TNR: variants seen among roughly 807,000 people sequenced by gnomAD.
TNR encodes the protein tenascin R.
TNR carries 45 observed loss-of-function variants against 150.4 expected under a neutral mutation model. The ratio of observed to expected loss-of-function variants is 0.30; its 90% CI spans 0.24 to 0.38. The LOEUF is 0.38. Among genes scored for constraint, TNR ranks in the 10% least tolerant of loss-of-function variants. The pLI is 1.00. For synonymous variants in TNR, 687 were observed against 678.4 expected (o/e 1.01, Z -0.20); for missense variants, 1,544 against 1,759.1 (o/e 0.88, Z 2.19).
intron 1 of TNR, among the ~76,000 whole-genome samples, chr1:175,545,206 T>C (rs79354236): frequency 0.012 from 1,775 of 151,890 alleles, 26 homozygotes; most frequent in African/African-American, 0.04. Flanking sequence ...AACAAGTGAG[T>C]GTTCAATAGG....
intron 2 of TNR, among the ~76,000 whole-genome samples, chr1:175,485,815 T>C (rs1657990113): frequency 1.3e-5 from 2 of 152,218 alleles, no homozygotes; most frequent in Admixed American, 1.3e-4. Flanking sequence ...TAAATAATAG[T>C]AATAGCTAAC....
At chr1:175,343,162 C>G (rs1650611190) in intron 18 of TNR, among the ~76,000 whole-genome samples, 1 of 152,196 alleles carries the variant, frequency 6.6e-6, no homozygotes, top group African/African-American at 2.4e-5. Context: ...TCAATGGCTT[C>G]TTTATTGCAA....
rs1651341811 is a variant in TNR, at chr1:175,356,610, C to G, written c.2975-148G>C. On this transcript the variant is annotated intron_variant, in intron 15 of 22. Transcript: ENST00000367674. ...AGGTTATCTAGCTTAGTATCTTACT[C>G]TTTGCAAGGATTCCCCTCTCATCTC... The G allele has an allele frequency of 6.4e-6, 6 of 944,026 alleles. No homozygotes were observed. The South Asian group carries it at 1.1e-4, about 17-fold the overall frequency. The allele number at this position is 944,026 out of a possible 1,614,324, so 58.5% of individuals were successfully genotyped here.
intron 1 of TNR, among the ~76,000 whole-genome samples, chr1:175,591,428 A>G (rs781440412): frequency 6.6e-6 from 1 of 152,224 alleles, no homozygotes; most frequent in Admixed American, 6.5e-5. Flanking sequence ...TTCAATTGCT[A>G]TTATGAGCAG....
rs142322777 is a variant in TNR, at chr1:175,466,903, C to CATG, written c.-63-60127_-63-60126insCAT. Among the ~76,000 whole-genome samples the CATG allele has an allele frequency of 4.1e-3, 625 of 152,220 alleles. 6 individuals carry two copies. The highest frequency in any genetic ancestry group is 0.013 in the African/African-American group (553 of 41,522). On this transcript the variant is annotated intron_variant, in intron 2 of 22. Transcript: ENST00000367674. Reference sequence around the variant, plus strand: ...AAGCCACCAAGCTCCACATCTGGGACAGGAGACAGTCCCGAACTTCCCTGG... The same window carrying CATG: ...AAGCCACCAAGCTCCACATCTGGGACATGAGGAGACAGTCCCGAACTTCCCTGG...
chr1:175,493,966 T>C (rs890458616), intron 2 of TNR, among the ~76,000 whole-genome samples: 2 of 152,148 alleles, frequency 1.3e-5, no homozygotes, highest in African/African-American at 4.8e-5. Flanking sequence ...CTACAACCTC[T>C]CTTCTTGAAC....
At chr1:175,722,793 G>T (rs1449184233) in intron 1 of TNR, among the ~76,000 whole-genome samples, 2 of 127,270 alleles carry the variant, frequency 1.6e-5, no homozygotes, top group African/African-American at 3.0e-5. Context: ...ATATATAGTT[G>T]CTTCCCCCCT....
intron 2 of TNR, among the ~76,000 whole-genome samples, chr1:175,522,490 C>A (rs1659676084): frequency 6.6e-6 from 1 of 152,128 alleles, no homozygotes; most frequent in African/African-American, 2.4e-5. Context: ...CAAAATCTCA[C>A]AAATCACCAC....
intron 2 of TNR, among the ~76,000 whole-genome samples, chr1:175,420,694 A>T (rs573527380): frequency 6.6e-6 from 1 of 152,172 alleles, no homozygotes; most frequent in Non-Finnish European, 1.5e-5. Context: ...ATCACGACTG[A>T]TTCCTCTACC....
chr1:175,340,198 C>CGGGGGTGGGGT (rs1650453103), intron 18 of TNR, among the ~76,000 whole-genome samples: 1 of 151,974 alleles, frequency 6.6e-6, no homozygotes, highest in Non-Finnish European at 1.5e-5. Context: ...CCTTCCAGGC[C>CGGGGGTGGGGT]GGCAATGAGC....
chr1:175,660,874 G>A (rs994767713), intron 1 of TNR, among the ~76,000 whole-genome samples: 4 of 152,334 alleles, frequency 2.6e-5, no homozygotes, highest in African/African-American at 9.6e-5. Context: ...CAGAACAAGA[G>A]TTGGGGCCTT....
At chr1:175,630,424 T>C (rs902859386) in intron 1 of TNR, among the ~76,000 whole-genome samples, 1 of 152,214 alleles carries the variant, frequency 6.6e-6, no homozygotes, top group Non-Finnish European at 1.5e-5. Context: ...TATTTGATAA[T>C]GATAACAGCA....
chr1:175,658,622 C>T (rs1665267865), intron 1 of TNR, among the ~76,000 whole-genome samples: 1 of 152,216 alleles, frequency 6.6e-6, no homozygotes, highest in Admixed American at 6.5e-5. Context: ...AGAGCTAATG[C>T]TCATGATCTG....
chr1:175,451,833 CTTATATG>C (rs1161186450), intron 2 of TNR, among the ~76,000 whole-genome samples: 1 of 152,170 alleles, frequency 6.6e-6, no homozygotes, highest in Non-Finnish European at 1.5e-5. Context: ...GCGTTCTCTC[CTTATATG>C]TTATATGGTT....
chr1:175,672,623 C>T (rs1408662295), intron 1 of TNR, among the ~76,000 whole-genome samples: 2 of 152,214 alleles, frequency 1.3e-5, no homozygotes, highest in Non-Finnish European at 2.9e-5. Flanking sequence ...TGTGCATTCA[C>T]AGAGGTGAAT....
intron 2 of TNR, among the ~76,000 whole-genome samples, chr1:175,413,246 G>A (rs1247544582): frequency 1.3e-5 from 2 of 152,182 alleles, no homozygotes; most frequent in African/African-American, 2.4e-5. Flanking sequence ...GGCTGATCTC[G>A]AACTCCTGAC....
chr1:175,527,997 A>T (rs1659913557), intron 2 of TNR, among the ~76,000 whole-genome samples: 1 of 152,222 alleles, frequency 6.6e-6, no homozygotes, highest in South Asian at 2.1e-4. Flanking sequence ...TGAGCACAGT[A>T]ACACACTTTC....
chr1:175,739,341 G>T (rs1667859138), intron 1 of TNR, among the ~76,000 whole-genome samples: 1 of 152,148 alleles, frequency 6.6e-6, no homozygotes. Flanking sequence ...TGATTTCCTT[G>T]TGGAAGACCC....
Position 175,406,313 on chromosome 1 carries a change from C to A in TNR, c.402G>T (p.Leu134=). 1 of 1,614,172 alleles carries A rather than the reference C, an allele frequency of 6.2e-7. No homozygotes were observed. The highest frequency in any genetic ancestry group is 1.1e-5 in the South Asian group (1 of 91,082). Residue 134 remains leucine (L), a synonymous_variant, in exon 3 of 23, where the codon CTG becomes CTT. Transcript: ENST00000367674. ...ACPCASSAQV[L]QELLSRIEML... is the part of the protein sequence containing the mutation. ...TCTCGATCCGGCTCAGCAGCTCCTG[C>A]AGCACCTGGGCTGAACTGGCACATG...
Sources: gnomAD v4.1 joint callset for allele counts (sites outside exome capture counted in the v4.1 genomes callset) on GRCh38, gnomAD v4.1.1 for gene constraint, MANE v1.5 for transcripts, NCBI Gene and HGNC (gene_info 2026-07-23, HGNC 2026-07-21) for gene names.